The following DLG2 variants were observed in gnomAD, a reference collection of about 807,000 sequenced individuals.
DLG2 encodes disks large homolog 2.
In DLG2, 45 loss-of-function variants were observed where a neutral mutation model predicts 132.5. The ratio of observed to expected loss-of-function variants is 0.34; its 90% CI spans 0.27 to 0.44. The LOEUF (loss-of-function observed/expected upper bound fraction) is 0.44. Among genes scored for constraint, DLG2 ranks in the 20% least tolerant of loss-of-function variants. The pLI is 1.00. For missense variants in DLG2, 1,045 were observed against 1,196.9 expected (o/e 0.87, Z 1.87); for synonymous variants, 424 against 419.6 (o/e 1.01, Z -0.13).
intron 6 of DLG2, among the ~76,000 whole-genome samples, chr11:84,939,277 T>C (rs1244395999): frequency 6.6e-6 from 1 of 152,056 alleles, no homozygotes; most frequent in African/African-American, 2.4e-5. Context: ...TTTTTATGGG[T>C]ACTTACTAGG....
chr11:84,691,151 T>C (rs1228266477), intron 6 of DLG2, among the ~76,000 whole-genome samples: 2 of 151,898 alleles, frequency 1.3e-5, no homozygotes, highest in Non-Finnish European at 2.9e-5. Flanking sequence ...GTCTCCATGA[T>C]ATTCTCCAGT....
chr11:84,243,017 C>CTCTCTCTCTCTCTCTCTATATA (rs542476924), intron 8 of DLG2, among the ~76,000 whole-genome samples: 18 of 142,206 alleles, frequency 1.3e-4, no homozygotes, highest in Admixed American at 2.1e-4. Context: ...CTCTCTCTCT[C>CTCTCTCTCTCTCTCTCTATATA]TATATATATA....
At chr11:84,265,977 G>T (rs1311360223) in intron 7 of DLG2, among the ~76,000 whole-genome samples, 1 of 152,036 alleles carries the variant, frequency 6.6e-6, no homozygotes, top group Non-Finnish European at 1.5e-5. Context: ...CTATTTTTCT[G>T]TTCTGTAACA....
At chr11:84,292,828 G>A (rs367682935) in intron 7 of DLG2, among the ~76,000 whole-genome samples, 79 of 152,154 alleles carry the variant, frequency 5.2e-4, no homozygotes, top group African/African-American at 1.8e-3. Flanking sequence ...TCCAATCCTT[G>A]GCTTCCCTGG....
intron 6 of DLG2, among the ~76,000 whole-genome samples, chr11:85,074,454 G>C (rs905925034): frequency 2.6e-5 from 4 of 151,742 alleles, no homozygotes; most frequent in African/African-American, 9.7e-5. Context: ...TCAAGACACA[G>C]GCTAGAAGGA....
At chr11:83,630,038 T>C (rs912768383) in intron 19 of DLG2, among the ~76,000 whole-genome samples, 4 of 152,086 alleles carry the variant, frequency 2.6e-5, no homozygotes, top group African/African-American at 4.8e-5. Context: ...ACATTAGCAA[T>C]AATCAGTTCC....
At chr11:84,448,080 T>A (rs976741742) in intron 7 of DLG2, among the ~76,000 whole-genome samples, 21 of 152,082 alleles carry the variant, frequency 1.4e-4, no homozygotes, top group African/African-American at 4.8e-4. Context: ...GAGAATGCAA[T>A]TCAATATCTT....
chr11:83,761,384 T>C (rs970704422), intron 18 of DLG2, among the ~76,000 whole-genome samples: 2 of 152,208 alleles, frequency 1.3e-5, no homozygotes, highest in African/African-American at 4.8e-5. Context: ...CACTTCGAGT[T>C]CTATTAGTGG....
intron 6 of DLG2, among the ~76,000 whole-genome samples, chr11:84,836,318 T>C (rs1462183017): frequency 6.6e-6 from 1 of 151,610 alleles, no homozygotes; most frequent in African/African-American, 2.4e-5. Context: ...GTGGGAAAAA[T>C]AATATTTTTT....
intron 10 of DLG2, among the ~76,000 whole-genome samples, chr11:84,087,068 T>C (rs2096996818): frequency 6.6e-6 from 1 of 152,216 alleles, no homozygotes; most frequent in Non-Finnish European, 1.5e-5. Context: ...CAATGGACAT[T>C]TGGGTTGTTT....
At chr11:84,332,016 A>G (rs2098462051) in intron 7 of DLG2, among the ~76,000 whole-genome samples, 2 of 152,122 alleles carry the variant, frequency 1.3e-5, no homozygotes, top group African/African-American at 4.8e-5. Context: ...TTTTCTGCAG[A>G]AAGGTCATTT....
chr11:85,318,772 T>C (rs1490525148), intron 3 of DLG2, among the ~76,000 whole-genome samples: 1 of 151,872 alleles, frequency 6.6e-6, no homozygotes, highest in African/African-American at 2.4e-5. Context: ...TGCAGCATCT[T>C]TACTTTCCAC....
At chr11:84,694,008 G>A (rs1386440827) in intron 6 of DLG2, among the ~76,000 whole-genome samples, 1 of 151,596 alleles carries the variant, frequency 6.6e-6, no homozygotes, top group Non-Finnish European at 1.5e-5. Context: ...ATTGTTTTAA[G>A]TAGAAGTTTC....
intron 6 of DLG2, among the ~76,000 whole-genome samples, chr11:85,044,818 A>G (rs149843567): frequency 6.3e-4 from 96 of 152,222 alleles, no homozygotes; most frequent in African/African-American, 2.3e-3. Context: ...AAAATAATTT[A>G]AAAGTCAGAG....
At chr11:84,956,443 G>C (rs901064366) in intron 6 of DLG2, among the ~76,000 whole-genome samples, 1 of 152,126 alleles carries the variant, frequency 6.6e-6, no homozygotes, top group Non-Finnish European at 1.5e-5. Context: ...ATTTGAACCA[G>C]GTCATATTTG....
At chr11:84,866,178 T>C (rs992206835) in intron 6 of DLG2, among the ~76,000 whole-genome samples, 2 of 146,052 alleles carry the variant, frequency 1.4e-5, no homozygotes, top group African/African-American at 5.1e-5. Flanking sequence ...GCTCCTTCTG[T>C]GGGAGCTCCC....
intron 6 of DLG2, among the ~76,000 whole-genome samples, chr11:84,796,616 G>T (rs1320541839): frequency 9.9e-5 from 15 of 152,022 alleles, no homozygotes; most frequent in African/African-American, 3.6e-4. Context: ...TTGTTTGTCT[G>T]GGAAGGTCTT....
intron 15 of DLG2, among the ~76,000 whole-genome samples, chr11:83,886,763 G>A (rs938731241): frequency 7.9e-5 from 12 of 152,244 alleles, no homozygotes; most frequent in South Asian, 2.1e-4. Flanking sequence ...AGACCACAGC[G>A]CAATCAAACT....
chr11:84,582,441 T>C (rs2099518813), intron 6 of DLG2, among the ~76,000 whole-genome samples: 3 of 148,750 alleles, frequency 2.0e-5, no homozygotes, highest in South Asian at 4.2e-4. Context: ...AAAATACATA[T>C]ATATTATGTA....
Sources: allele counts gnomAD v4.1 joint callset (sites outside exome capture counted in the v4.1 genomes callset), GRCh38; gene constraint gnomAD v4.1.1; transcripts MANE v1.5; gene names NCBI Gene and HGNC (gene_info 2026-07-23, HGNC 2026-07-21).